Variants in TRAK1 observed in about 807,000 individuals in gnomAD.
TRAK1 encodes trafficking kinesin protein 1, also known as trafficking kinesin-binding protein 1.
A neutral mutation model predicts 92.1 loss-of-function variants in TRAK1; 33 were observed. The observed-to-expected ratio is 0.36, with a 90% CI of 0.27 to 0.48. The LOEUF (loss-of-function observed/expected upper bound fraction) is 0.48, where lower values mean the gene tolerates loss of function less well. TRAK1 is among the 20% of genes least tolerant of loss of function. The pLI is 0.99. For synonymous variants in TRAK1, 521 were observed against 517.3 expected, an observed-to-expected ratio of 1.01 and a Z score of -0.10; for missense variants, 1,123 against 1,257.9, an observed-to-expected ratio of 0.89 and a Z score of 1.62.
At chr3:42,221,880 T>G (rs1176925616) in intron 15 of TRAK1, 1 of 152,144 alleles carries the variant, frequency 6.6e-6, no homozygotes, top group Admixed American at 6.5e-5. Context: ...TGAGGTTTAT[T>G]ACTAGTTGAA....
intron 2 of TRAK1, chr3:42,146,492 A>G (rs760902712): frequency 6.4e-6 from 1 of 156,454 alleles, no homozygotes; most frequent in Non-Finnish European, 1.4e-5. Flanking sequence ...GTGTTCAGCT[A>G]TTAGGAAGTT....
At chr3:42,217,291 G>A (rs894040897) in intron 14 of TRAK1, 1 of 985,198 alleles carries the variant, frequency 1.0e-6, no homozygotes, top group African/African-American at 1.7e-5. Flanking sequence ...CATGCGGAGA[G>A]CCCACGGGTC....
At chr3:42,138,706 G>A (rs1576563204) in intron 2 of TRAK1, among the ~76,000 whole-genome samples, 1 of 146,810 alleles carries the variant, frequency 6.8e-6, no homozygotes, top group East Asian at 2.0e-4. Context: ...GGGGAACATG[G>A]TGAGGCTCCA....
intron 10 of TRAK1, among the ~76,000 whole-genome samples, chr3:42,196,026 G>A (rs1706573838): frequency 1.3e-5 from 2 of 152,180 alleles, no homozygotes; most frequent in African/African-American, 2.4e-5. Flanking sequence ...ACTCTCAAGG[G>A]CAGACCTCTC....
At chr3:42,216,666 G>A (rs915656313) in intron 14 of TRAK1, among the ~76,000 whole-genome samples, 5 of 152,244 alleles carry the variant, frequency 3.3e-5, no homozygotes, top group African/African-American at 4.8e-5. Context: ...AGTTTAAAGC[G>A]TATCACATTT....
chr3:42,059,373 G>A (rs1011383566), intron 1 of TRAK1, among the ~76,000 whole-genome samples: 5 of 152,164 alleles, frequency 3.3e-5, no homozygotes, highest in African/African-American at 1.2e-4. Flanking sequence ...TCCCATCCCT[G>A]CTCTCCACTC....
At chr3:42,073,330 C>G (rs967401008) in intron 1 of TRAK1, among the ~76,000 whole-genome samples, 29 of 152,196 alleles carry the variant, frequency 1.9e-4, no homozygotes, top group Admixed American at 1.6e-3. Flanking sequence ...CTTTCTTATT[C>G]TGTGGGTGGT....
chr3:42,160,612 T>C, intron 2 of TRAK1: 7 of 964,258 alleles, frequency 7.3e-6, no homozygotes, highest in Non-Finnish European at 9.0e-6. Flanking sequence ...CTTATGCAAA[T>C]GGCTTAAAGG....
chr3:42,013,542 C>T (rs1183882948), upstream of TRAK1, among the ~76,000 whole-genome samples: 3 of 150,912 alleles, frequency 2.0e-5, no homozygotes, highest in Non-Finnish European at 4.4e-5. This position sits in a 1 kb window ranked among gnomAD's most constrained non-coding sequence, Gnocchi z 5.1. Context: ...GGAGGGCGGC[C>T]CGCAGGTGGC....
chr3:42,141,455 A>G (rs1698640754), intron 2 of TRAK1, among the ~76,000 whole-genome samples: 2 of 152,216 alleles, frequency 1.3e-5, no homozygotes, highest in South Asian at 4.1e-4. Flanking sequence ...CTTAATAGAT[A>G]TTAAAGAAAA....
rs142233427 is a variant in TRAK1, at chr3:42,169,034, C to T, written c.287-7780C>T. 2.4e-3 allele frequency among the ~76,000 whole-genome samples: 367 copies of T among 152,154 alleles called. 1 individual carries two copies. Among genetic ancestry groups the T allele is most frequent in the African/African-American group, 8.4e-3 (348 of 41,514 alleles). On this transcript the variant is annotated intron_variant, in intron 2 of 15. Transcript: ENST00000327628. ...AGATGAGGTTTCACCATGTTGGCCA[C>T]GCTGGTCTTGAACTCCTGACGTCAG... is the stretch of plus-strand genomic sequence containing the variant.
At chr3:42,114,959 C>G (rs1018971242) in intron 1 of TRAK1, among the ~76,000 whole-genome samples, 4 of 152,124 alleles carry the variant, frequency 2.6e-5, no homozygotes, top group Admixed American at 2.6e-4. Context: ...GTGATCTGCC[C>G]GCCTCCGCTT....
intron 1 of TRAK1, among the ~76,000 whole-genome samples, chr3:42,037,059 C>T (rs1164336956): frequency 6.6e-6 from 1 of 152,110 alleles, no homozygotes; most frequent in African/African-American, 2.4e-5. Flanking sequence ...TACTCTTAGG[C>T]TCCAGCTATC....
chr3:42,023,083 G>C (rs1453422869), intron 1 of TRAK1, among the ~76,000 whole-genome samples: 1 of 149,088 alleles, frequency 6.7e-6, no homozygotes, highest in Admixed American at 6.7e-5. Context: ...GCGTGAACAC[G>C]GGAGGCAGAG....
intron 5 of TRAK1, 131 bp downstream of exon 5, chr3:42,188,276 C>A: frequency 1.3e-6 from 1 of 763,266 alleles, no homozygotes. Flanking sequence ...TTCTCTGGAC[C>A]AAACACCTCC....
intron 2 of TRAK1, among the ~76,000 whole-genome samples, chr3:42,165,201 G>T (rs1159877147): frequency 1.3e-5 from 2 of 152,202 alleles, no homozygotes; most frequent in Non-Finnish European, 1.5e-5. Flanking sequence ...GAGAACACGG[G>T]CTGCAGGAGA....
At position 42,223,027 on chromosome 3, in the gene TRAK1, C is replaced by G; in HGVS notation, c.2152C>G (p.Leu718Val). The G allele has an allele frequency of 6.2e-7, 1 of 1,614,152 alleles. No individual in the cohort carries two copies. The highest frequency in any genetic ancestry group is 8.5e-7 in the Non-Finnish European group (1 of 1,180,034). ...GGCCACACCATGCACTCCACGGAGACTGAGCCTGGCTGAGTCCTTCACTAA... is the reference window on the plus strand; with the variant it reads ...GGCCACACCATGCACTCCACGGAGAGTGAGCCTGGCTGAGTCCTTCACTAA... ...PVATPCTPRR[L>V]SLAESFTNTR... is the part of the protein sequence containing the mutation. Residue 718 changes from leucine (L) to valine (V), a missense_variant, in exon 16 of 16, where the codon CTG becomes GTG. Physicochemically the swap from Leu to Val is conservative, Grantham distance 32 (BLOSUM62 1). Around this residue, in one of 3 missense-constraint regions of TRAK1, gnomAD observed 401 missense variants for 438.9 expected, o/e 0.91. Coordinates refer to ENST00000327628, the MANE Select transcript of TRAK1 (RefSeq NM_001042646.3). The surrounding 1 kb of genome is among the most constrained non-coding windows in gnomAD (Gnocchi z 6.1).
intron 1 of TRAK1, among the ~76,000 whole-genome samples, chr3:42,015,225 A>C (rs907958593): frequency 2.0e-5 from 3 of 152,136 alleles, no homozygotes; most frequent in African/African-American, 7.2e-5. Flanking sequence ...CAGCTTTGTC[A>C]CAGAGGTTCC....
chr3:42,039,424 C>T (rs1454301851), intron 1 of TRAK1, among the ~76,000 whole-genome samples: 2 of 152,266 alleles, frequency 1.3e-5, no homozygotes, highest in Admixed American at 1.3e-4. Context: ...AGTGCAATGG[C>T]GTGATCTCAG....
Sources: gnomAD v4.1 joint callset for allele counts (sites outside exome capture counted in the v4.1 genomes callset) on GRCh38, gnomAD v4.1.1 for gene constraint, gnomAD v4.1.1 regional missense constraint, Gnocchi (gnomAD v3.1) non-coding constraint, MANE v1.5 for transcripts, NCBI Gene and HGNC (gene_info 2026-07-23, HGNC 2026-07-21) for gene names.